KMT2C: variants seen among roughly 807,000 people sequenced by gnomAD.
KMT2C encodes lysine methyltransferase 2C, also known as histone-lysine N-methyltransferase 2C.
KMT2C carries 88 observed loss-of-function variants against 507.9 expected under a neutral mutation model. That is an observed-to-expected ratio of 0.17 (90% confidence interval 0.15 to 0.21). The LOEUF (loss-of-function observed/expected upper bound fraction) is 0.21, where lower values mean the gene tolerates loss of function less well. Ranked by LOEUF, KMT2C falls within the 10% of genes least tolerant of loss-of-function variation. The pLI, the probability that KMT2C is intolerant of heterozygous loss-of-function variation, is 1.00. For synonymous variants in KMT2C, 2,049 were observed against 2,080.8 expected, an observed-to-expected ratio of 0.98 and a Z score of 0.42; for missense variants, 4,954 against 5,957.8, an observed-to-expected ratio of 0.83 and a Z score of 5.55.
At chr7:152,319,551 G>C (rs967736771) in intron 3 of KMT2C, among the ~76,000 whole-genome samples, 5 of 152,016 alleles carry the variant, frequency 3.3e-5, no homozygotes, top group African/African-American at 9.7e-5. Context: ...CTACTTAGCA[G>C]ACCGGGAAAG....
At chr7:152,431,691 G>T (rs972725656) in intron 1 of KMT2C, among the ~76,000 whole-genome samples, 1 of 151,994 alleles carries the variant, frequency 6.6e-6, no homozygotes, top group Admixed American at 6.6e-5. Flanking sequence ...GGTAAGAGAG[G>T]GTAGCAATCC....
rs2091754283 is a variant in KMT2C at position 152,152,944 on chromosome 7, C to G, written c.12287G>C (p.Ser4096Thr). Reference protein sequence around the residue: ...LHPTAAENISSVVAAFSDLLH... With the variant: ...LHPTAAENISTVVAAFSDLLH... ...AAGGTCGGAAAATGCAGCCACAACA[C>G]TGCTAATGTTCTAAAACCAAATGCA... is the stretch of plus-strand genomic sequence containing the variant. Residue 4096 changes from serine to threonine, a missense_variant, in exon 49 of 59, where the codon AGT becomes ACT. By Grantham distance (58) the Ser-to-Thr change is moderately conservative. Around this residue, in one of 29 missense-constraint regions of KMT2C, gnomAD observed 417 missense variants for 461.1 expected, o/e 0.90. Coordinates refer to ENST00000262189, the MANE Select transcript of KMT2C (RefSeq NM_170606.3). The G allele has an allele frequency of 6.2e-7, 1 of 1,614,122 alleles. No individual in the cohort carries two copies. The highest frequency in any genetic ancestry group is 8.5e-7 in the Non-Finnish European group (1 of 1,179,960).
At chr7:152,290,210 TTATATA>T (rs560278783) in intron 6 of KMT2C, among the ~76,000 whole-genome samples, 8 of 114,956 alleles carry the variant, frequency 7.0e-5, no homozygotes, top group African/African-American at 2.8e-4. Context: ...CTAATAAATT[TTATATA>T]TATATGTGTG....
At chr7:152,360,912 C>T (rs181748073) in intron 1 of KMT2C, among the ~76,000 whole-genome samples, 25 of 148,732 alleles carry the variant, frequency 1.7e-4, no homozygotes, top group African/African-American at 6.3e-4. Context: ...CTACTAAAAA[C>T]TATCAAAAAG....
At chr7:152,389,781 G>A (rs2097474908) in intron 1 of KMT2C, among the ~76,000 whole-genome samples, 2 of 152,098 alleles carry the variant, frequency 1.3e-5, no homozygotes, top group African/African-American at 4.8e-5. Flanking sequence ...TATGTGAATA[G>A]TGGGATTACA....
chr7:152,161,011 A>C (rs534476040), intron 43 of KMT2C, among the ~76,000 whole-genome samples: 1 of 152,324 alleles, frequency 6.6e-6, no homozygotes, highest in South Asian at 2.1e-4. Context: ...GGGAGAACAG[A>C]ACAGGCAGAA....
At chr7:152,219,115 G>A (rs1316116930) in intron 23 of KMT2C, among the ~76,000 whole-genome samples, 2 of 151,906 alleles carry the variant, frequency 1.3e-5, no homozygotes, top group African/African-American at 2.4e-5. Flanking sequence ...GATTACAGGT[G>A]CATGCCACTG....
chr7:152,249,597 C>T (rs952197564), intron 13 of KMT2C, among the ~76,000 whole-genome samples: 1 of 134,142 alleles, frequency 7.5e-6, no homozygotes, highest in Non-Finnish European at 1.5e-5. Context: ...TGAAAGACTA[C>T]AGGTAGGGAT....
intron 6 of KMT2C, among the ~76,000 whole-genome samples, chr7:152,306,470 A>AT (rs1308880065): frequency 6.6e-6 from 1 of 152,194 alleles, no homozygotes. Flanking sequence ...ATGGTACTCC[A>AT]TTATATGGCT....
intron 55 of KMT2C, among the ~76,000 whole-genome samples, 191 bp from the exon 56 acceptor site, chr7:152,139,982 A>T (rs918835069): frequency 6.6e-6 from 1 of 152,242 alleles, no homozygotes; most frequent in Non-Finnish European, 1.5e-5. Context: ...AAACTATGCC[A>T]TCACTAGCTT....
At chr7:152,368,498 G>A (rs1418817152) in intron 1 of KMT2C, 83 of 1,298,764 alleles carry the variant, frequency 6.4e-5, no homozygotes, top group East Asian at 7.5e-5. Flanking sequence ...CAGTGGCGCC[G>A]TGAGCTAATG....
chr7:152,163,771 T>C lies in KMT2C; in HGVS notation c.9806A>G (p.Gln3269Arg). ...AELIEDYRIK[Q>R]QQQCAMAPPT... ...TGGGGCCATTGCACATTGCTGCTGC[T>C]GTTTGATCCGATAATCTTCAATCAA... The change falls in exon 43 of 59, where the codon CAG becomes CGG. Residue 3269 changes from glutamine (Q) to arginine (R), a missense_variant. By Grantham distance (43) the Gln-to-Arg change is conservative. This residue lies in a region of KMT2C where 801 missense variants were observed against 751.2 expected (regional missense o/e 1.07). Transcript: ENST00000262189. 11 of 1,614,226 alleles carry C rather than the reference T, an allele frequency of 6.8e-6. No individual in the cohort carries two copies. Among genetic ancestry groups the C allele is most frequent in the Non-Finnish European group, 8.5e-6 (10 of 1,180,048 alleles).
chr7:152,334,836 C>T (rs2096919369), intron 2 of KMT2C, among the ~76,000 whole-genome samples: 1 of 152,176 alleles, frequency 6.6e-6, no homozygotes, highest in African/African-American at 2.4e-5. Flanking sequence ...TATACCTCTC[C>T]ATCCTCAGAA....
chr7:152,297,007 A>AAGAAAGAAAGAAAG (rs1236326339), intron 6 of KMT2C, among the ~76,000 whole-genome samples: 1,145 of 77,586 alleles, frequency 0.015, 16 homozygotes, highest in Non-Finnish European at 0.022. Flanking sequence ...AAAAGAAAGA[A>AAGAAAGAAAGAAAG]AGAAAGAAAG....
Position 152,220,723 on chromosome 7 carries a change from G to A in KMT2C, c.3512C>T (p.Thr1171Ile), listed in dbSNP as rs775120358. ...TKVKELDPPKTYTQDGVCLTE... is the reference protein window; with the variant it reads ...TKVKELDPPKIYTQDGVCLTE... ...CAAACACACACCATCCTGGGTATAA[G>A]TCTTGGGTGGGTCTAAAATTACAAA... The change falls in exon 23 of 59, where the codon ACT becomes ATT. Residue 1171 changes from threonine to isoleucine, a missense_variant. Transcript: ENST00000262189. 7 of 1,606,220 alleles carry A rather than the reference G, an allele frequency of 4.4e-6. No individual in the cohort carries two copies. The highest frequency in any genetic ancestry group is 1.7e-6 in the Non-Finnish European group (2 of 1,174,882).
At chr7:152,408,819 A>AAG (rs944360555) in intron 1 of KMT2C, among the ~76,000 whole-genome samples, 1 of 151,140 alleles carries the variant, frequency 6.6e-6, no homozygotes, top group African/African-American at 2.4e-5. Context: ...TTTGTTAAAA[A>AAG]AAAAAAAAAA....
intron 52 of KMT2C, among the ~76,000 whole-genome samples, chr7:152,147,378 T>C (rs2091209214): frequency 6.6e-6 from 1 of 152,036 alleles, no homozygotes; most frequent in Admixed American, 6.6e-5. Flanking sequence ...TTCTAGAAAC[T>C]GACTTTAAGA....
At position 152,162,394 on chromosome 7, in the gene KMT2C, C is replaced by T; in HGVS notation, c.11183G>A (p.Cys3728Tyr). ...CAATTTAGGCTCCTCTTGGCCTGGG[C>T]AGGACTCTGTCTCAGCCTTTTCCAG... The part of the protein sequence containing the change: ...IKLEKAETES[C>Y]PGQEEPKLEE... Residue 3728 changes from cysteine (C) to tyrosine (Y), a missense_variant, in exon 43 of 59, where the codon TGC (cysteine) becomes TAC (tyrosine). By Grantham distance (194) the Cys-to-Tyr change is radical. Coordinates refer to ENST00000262189, the MANE Select transcript of KMT2C (RefSeq NM_170606.3). The T allele has an allele frequency of 6.2e-7, 1 of 1,614,234 alleles. No individual in the cohort carries two copies. Among genetic ancestry groups the T allele is most frequent in the Non-Finnish European group, 8.5e-7 (1 of 1,180,048 alleles).
intron 6 of KMT2C, among the ~76,000 whole-genome samples, chr7:152,281,855 C>T (rs186542640): frequency 1.3e-4 from 20 of 151,992 alleles, no homozygotes; most frequent in Non-Finnish European, 1.5e-5. Context: ...TTGTTCAAGC[C>T]CAATGAGTCA....
Sources: allele counts gnomAD v4.1 joint callset (sites outside exome capture counted in the v4.1 genomes callset), GRCh38; gene constraint gnomAD v4.1.1; regional missense constraint gnomAD v4.1.1; transcripts MANE v1.5; gene names NCBI Gene and HGNC (gene_info 2026-07-23, HGNC 2026-07-21).